RMP64: variants seen among roughly 807,000 people sequenced by gnomAD.
The protein encoded by RMP64 is ribonuclease MRP subunit p64, also known as nucleolus and neural progenitor protein.
At chr3:113,019,655 G>C in the RMP64 span, 2 of 1,609,228 alleles carry the variant, frequency 1.2e-6, no homozygotes, top group Non-Finnish European at 1.7e-6. Context: ...CATGCGAGGC[G>C]GGGGGACTTA....
At chr3:113,006,043 T>C in the RMP64 span, 14 of 1,390,072 alleles carry the variant, frequency 1.0e-5, no homozygotes, top group Non-Finnish European at 1.3e-5. Context: ...GGGCTTAAGA[T>C]GAGAAAAACA....
At chr3:113,012,831 T>C in the RMP64 span, 1 of 1,464,176 alleles carries the variant, frequency 6.8e-7, no homozygotes, top group South Asian at 1.1e-5. Flanking sequence ...CAATTTAAGG[T>C]AGAAAACAAA....
the RMP64 span, chr3:113,017,703 A>T: frequency 8.8e-7 from 1 of 1,131,888 alleles, no homozygotes; most frequent in Non-Finnish European, 1.3e-6. Flanking sequence ...TTTGTTTTAA[A>T]GGAATCAAAA....
At chr3:113,013,523 A>C in the RMP64 span, 98 of 883,738 alleles carry the variant, frequency 1.1e-4, no homozygotes, top group African/African-American at 1.5e-3. Flanking sequence ...ATTGAAACAA[A>C]GAGATGCATA....
the RMP64 span, chr3:113,017,727 G>C: frequency 2.5e-6 from 2 of 796,516 alleles, no homozygotes; most frequent in South Asian, 2.0e-5. Flanking sequence ...AATGTAATCA[G>C]TCTCAACTGT....
At chr3:113,008,135 A>G in the RMP64 span, 1 of 1,586,464 alleles carries the variant, frequency 6.3e-7, no homozygotes, top group Non-Finnish European at 8.6e-7. Flanking sequence ...CAACAACAGA[A>G]AAAGTAAAGT....
chr3:113,008,590 T>G, the RMP64 span: 2 of 604,446 alleles, frequency 3.3e-6, no homozygotes, highest in Non-Finnish European at 5.8e-6. Context: ...GTGGTTATTA[T>G]GCACTATATG....
At chr3:113,007,186 G>C in the RMP64 span, among the ~76,000 whole-genome samples, 9 of 152,178 alleles carry the variant, frequency 5.9e-5, no homozygotes, top group South Asian at 1.9e-3. Flanking sequence ...GATTATTACA[G>C]ACCTTTAGAG....
the RMP64 span, chr3:113,005,497 C>T: frequency 1.5e-6 from 2 of 1,321,410 alleles, no homozygotes; most frequent in South Asian, 2.5e-5. Flanking sequence ...CTGAACTAGC[C>T]TTGTTAATCA....
chr3:113,017,670 A>C, the RMP64 span: 1 of 1,379,934 alleles, frequency 7.2e-7, no homozygotes, highest in Non-Finnish European at 1.0e-6. Context: ...TTAAAAACAC[A>C]CTAAAAAAAG....
At chr3:113,012,426 AG>A in the RMP64 span, 2 of 231,906 alleles carry the variant, frequency 8.6e-6, no homozygotes. Context: ...GTTCAGTAAA[AG>A]CCCACTGATG....
At chr3:113,014,043 AAG>A in the RMP64 span, 5 of 1,587,296 alleles carry the variant, frequency 3.2e-6, no homozygotes, top group Admixed American at 1.7e-5. Flanking sequence ...CTGAAAGAAG[AAG>A]AGCAGTTCAA....
At chr3:113,017,436 G>C in the RMP64 span, 1 of 1,611,478 alleles carries the variant, frequency 6.2e-7, no homozygotes, top group South Asian at 1.1e-5. Flanking sequence ...CTCACCTACC[G>C]GGCTTCCTCA....
At chr3:113,011,119 G>C in the RMP64 span, 1 of 1,612,912 alleles carries the variant, frequency 6.2e-7, no homozygotes, top group Non-Finnish European at 8.5e-7. Context: ...CATTTGTTTA[G>C]CTTTTTTTGA....
At chr3:113,017,472 G>C in the RMP64 span, 2 of 1,613,742 alleles carry the variant, frequency 1.2e-6, no homozygotes, top group African/African-American at 2.7e-5. Flanking sequence ...AATGGGGTTT[G>C]TGGCGGCCCA....
At chr3:113,018,438 G>T in the RMP64 span, among the ~76,000 whole-genome samples, 2 of 152,218 alleles carry the variant, frequency 1.3e-5, no homozygotes, top group South Asian at 4.1e-4. Flanking sequence ...TGTGTAGGAA[G>T]GATAGATGGG....
At chr3:113,015,727 C>T in the RMP64 span, among the ~76,000 whole-genome samples, 1 of 152,046 alleles carries the variant, frequency 6.6e-6, no homozygotes, top group South Asian at 2.1e-4. Flanking sequence ...GCAGCAGTAA[C>T]ATAAGCATAA....
chr3:113,012,733 C>T, the RMP64 span: 3 of 1,561,198 alleles, frequency 1.9e-6, no homozygotes, highest in Middle Eastern at 3.3e-4. Flanking sequence ...TATGTACATA[C>T]CATAACCTGC....
chr3:113,006,899 T>G, the RMP64 span, among the ~76,000 whole-genome samples: 1 of 152,192 alleles, frequency 6.6e-6, no homozygotes, highest in South Asian at 2.1e-4. Context: ...GGAATAATAC[T>G]GTCTACCTCA....
Sources: allele counts gnomAD v4.1 joint callset (sites outside exome capture counted in the v4.1 genomes callset), GRCh38; gene constraint gnomAD v4.1.1; transcripts MANE v1.5; gene names NCBI Gene and HGNC (gene_info 2026-07-23, HGNC 2026-07-21).